Variants in AKR1C3 observed in about 807,000 individuals in gnomAD.
AKR1C3 encodes aldo-keto reductase family 1 member C3, also known as 3-alpha hydroxysteroid dehydrogenase, type II.
In AKR1C3, 48 loss-of-function variants were observed where a neutral mutation model predicts 43.6. The observed-to-expected ratio is 1.10, with a 90% CI of 0.87 to 1.40. The LOEUF is 1.40. AKR1C3 is among the 40% of genes most tolerant of loss of function. The pLI is 0.00. For synonymous variants in AKR1C3, 162 were observed against 139.6 expected (o/e 1.16, Z -1.13); for missense variants, 482 against 391.2 (o/e 1.23, Z -1.96).
chr10:5,066,827 C>T (rs1294286888), intron 1 of AKR1C3, among the ~76,000 whole-genome samples: 1 of 152,190 alleles, frequency 6.6e-6, no homozygotes, highest in African/African-American at 2.4e-5. Context: ...TTATAACTTT[C>T]ACAAAAGAAT....
intron 7 of AKR1C3, among the ~76,000 whole-genome samples, chr10:5,105,063 G>A (rs993779096): frequency 6.6e-6 from 1 of 152,082 alleles, no homozygotes. Flanking sequence ...CTCAAATTTA[G>A]AGAGTAAGAT....
At chr10:5,074,159 T>A (rs777948287) in intron 1 of AKR1C3, among the ~76,000 whole-genome samples, 2 of 152,208 alleles carry the variant, frequency 1.3e-5, no homozygotes, top group African/African-American at 4.8e-5. Flanking sequence ...ATGTTCATCA[T>A]ACATGTGTTG....
chr10:5,074,892 T>C (rs958418716), intron 1 of AKR1C3, among the ~76,000 whole-genome samples: 1 of 152,162 alleles, frequency 6.6e-6, no homozygotes, highest in Non-Finnish European at 1.5e-5. Flanking sequence ...TGTGTTATCT[T>C]ATGTAAAATG....
At chr10:5,084,536 C>T (rs1374783053) in intron 1 of AKR1C3, among the ~76,000 whole-genome samples, 1 of 152,086 alleles carries the variant, frequency 6.6e-6, no homozygotes, top group Non-Finnish European at 1.5e-5. Flanking sequence ...GTTCTTTTGG[C>T]TTAGGATTGA....
At chr10:5,068,623 A>G (rs1303140078) in intron 1 of AKR1C3, among the ~76,000 whole-genome samples, 2 of 152,252 alleles carry the variant, frequency 1.3e-5, no homozygotes, top group Non-Finnish European at 2.9e-5. Flanking sequence ...ATTGTAATGT[A>G]AAACCTGCTA....
At chr10:5,098,483 T>A (rs1164585651) in intron 3 of AKR1C3, among the ~76,000 whole-genome samples, 1 of 152,220 alleles carries the variant, frequency 6.6e-6, no homozygotes, top group African/African-American at 2.4e-5. Context: ...ATCAAGGTAT[T>A]TCCAAATCAA....
chr10:5,066,603 C>A (rs1480843328), intron 1 of AKR1C3, among the ~76,000 whole-genome samples: 2 of 152,266 alleles, frequency 1.3e-5, no homozygotes, highest in Non-Finnish European at 2.9e-5. Context: ...AGCATAATAC[C>A]TAGAGTTTGG....
At chr10:5,073,186 A>T (rs1375018392) in intron 1 of AKR1C3, among the ~76,000 whole-genome samples, 1 of 151,772 alleles carries the variant, frequency 6.6e-6, no homozygotes, top group African/African-American at 2.4e-5. Context: ...CTGGTCTCGA[A>T]CCCTTGTCCT....
chr10:5,100,304 G>A (rs1443428847), intron 5 of AKR1C3, among the ~76,000 whole-genome samples: 1 of 152,070 alleles, frequency 6.6e-6, no homozygotes, highest in Non-Finnish European at 1.5e-5. Context: ...CAAAAAAAAA[G>A]AGAAAAATTA....
At chr10:5,095,604 T>C (rs1418177216) in intron 1 of AKR1C3, among the ~76,000 whole-genome samples, 4 of 152,158 alleles carry the variant, frequency 2.6e-5, no homozygotes, top group Non-Finnish European at 4.4e-5. Flanking sequence ...AGTTTATTTA[T>C]ATTTTTGTCA....
At chr10:5,078,239 C>T (rs1838756538) in intron 1 of AKR1C3, among the ~76,000 whole-genome samples, 1 of 152,140 alleles carries the variant, frequency 6.6e-6, no homozygotes, top group African/African-American at 2.4e-5. Flanking sequence ...GCCTGGCCAA[C>T]CTCGTCTGGC....
intron 8 of AKR1C3, 111 bp from the exon 9 acceptor site, chr10:5,107,350 A>C (rs989916776): frequency 2.6e-6 from 2 of 758,440 alleles, no homozygotes; most frequent in African/African-American, 3.6e-5. Flanking sequence ...AGATTCTACA[A>C]CTAGTCAGAC....
chr10:5,056,876 C>T (rs1838272987), intron 1 of AKR1C3, among the ~76,000 whole-genome samples: 1 of 152,186 alleles, frequency 6.6e-6, no homozygotes, highest in East Asian at 1.9e-4. Context: ...ATACCTGGTG[C>T]CAGGCTGTCC....
chr10:5,068,339 C>A (rs1445846031), intron 1 of AKR1C3, among the ~76,000 whole-genome samples: 3 of 152,070 alleles, frequency 2.0e-5, no homozygotes, highest in African/African-American at 7.2e-5. Flanking sequence ...TTGTTTACCT[C>A]TTTTCTGGAT....
At chr10:5,105,339 T>G in intron 7 of AKR1C3, 2 of 298,384 alleles carry the variant, frequency 6.7e-6, no homozygotes, top group South Asian at 6.7e-5. Flanking sequence ...GTCAGCGCTG[T>G]TTCTTCTCCA....
upstream of AKR1C3, among the ~76,000 whole-genome samples, chr10:5,091,877 AC>A (rs1337594286): frequency 1.3e-5 from 2 of 152,128 alleles, no homozygotes; most frequent in African/African-American, 4.8e-5. Context: ...CCATATGTAT[AC>A]CTTTAGTAAA....
chr10:5,058,573 A>G (rs371311400), intron 1 of AKR1C3, among the ~76,000 whole-genome samples: 151 of 152,258 alleles, frequency 9.9e-4, no homozygotes, highest in African/African-American at 3.3e-3. Context: ...CCCCCTGCCC[A>G]AGAACCCACA....
intron 1 of AKR1C3, among the ~76,000 whole-genome samples, chr10:5,066,787 C>CAT (rs1362894829): frequency 1.3e-5 from 2 of 152,334 alleles, no homozygotes; most frequent in Admixed American, 1.3e-4. Flanking sequence ...CCAGCTGCAG[C>CAT]ATAGATACTT....
intron 7 of AKR1C3, 141 bp downstream of exon 7, chr10:5,102,791 G>GT (rs1401219488): frequency 6.8e-7 from 1 of 1,474,734 alleles, no homozygotes; most frequent in African/African-American, 1.4e-5. Context: ...CATCCTGAGG[G>GT]TTTCTTCTAC....
Sources: allele counts gnomAD v4.1 joint callset (sites outside exome capture counted in the v4.1 genomes callset), GRCh38; gene constraint gnomAD v4.1.1; transcripts MANE v1.5; gene names NCBI Gene and HGNC (gene_info 2026-07-23, HGNC 2026-07-21).